The following DDAH1 variants were observed in gnomAD, a reference collection of about 807,000 sequenced individuals.
The protein encoded by DDAH1 is N(G),N(G)-dimethylarginine dimethylaminohydrolase 1.
A neutral mutation model predicts 28.8 loss-of-function variants in DDAH1; 19 were observed. The ratio of observed to expected loss-of-function variants is 0.66; its 90% CI spans 0.46 to 0.97. The LOEUF is 0.97. Ranked by LOEUF, DDAH1 falls within the 50% of genes least tolerant of loss-of-function variation. The pLI, the probability that DDAH1 is intolerant of heterozygous loss-of-function variation, is 0.00. For synonymous variants in DDAH1, 153 were observed against 154.4 expected, an observed-to-expected ratio of 0.99 and a Z score of 0.07; for missense variants, 326 against 375.9, an observed-to-expected ratio of 0.87 and a Z score of 1.10.
At chr1:85,522,667 C>T (rs568160577) in intron 1 of DDAH1, among the ~76,000 whole-genome samples, 146 of 151,424 alleles carry the variant, frequency 9.6e-4, no homozygotes, top group Admixed American at 2.2e-3. Flanking sequence ...CTTTTTTTTT[C>T]CTCATCAAAG....
intron 1 of DDAH1, among the ~76,000 whole-genome samples, chr1:85,429,792 T>A (rs1046417149): frequency 1.1e-4 from 17 of 152,210 alleles, no homozygotes; most frequent in Non-Finnish European, 2.1e-4. Flanking sequence ...TGTGTGTTGG[T>A]CACATAAATG....
chr1:85,578,138 G>A (rs372895948), exon 1 of DDAH1: 1 of 286,570 alleles, frequency 3.5e-6, no homozygotes, highest in Non-Finnish European at 5.2e-6. Flanking sequence ...TAATGTCGTC[G>A]ATTACTAGCA....
chr1:85,444,100 A>G (rs1416670116), intron 1 of DDAH1, among the ~76,000 whole-genome samples: 1 of 152,250 alleles, frequency 6.6e-6, no homozygotes, highest in Non-Finnish European at 1.5e-5. Flanking sequence ...GCCAGTTTTC[A>G]AAGGAAATGC....
intron 1 of DDAH1, among the ~76,000 whole-genome samples, chr1:85,562,786 C>T (rs1659175710): frequency 6.6e-6 from 1 of 152,118 alleles, no homozygotes; most frequent in Non-Finnish European, 1.5e-5. Context: ...TCTCAGCCTC[C>T]AGAACTGTGA....
intron 1 of DDAH1, among the ~76,000 whole-genome samples, chr1:85,408,985 AC>A (rs955635444): frequency 6.6e-6 from 1 of 151,954 alleles, no homozygotes; most frequent in Non-Finnish European, 1.5e-5. Context: ...TTCCAACTTC[AC>A]CCCTCCTTTC....
chr1:85,564,812 C>T (rs912187658), intron 1 of DDAH1, among the ~76,000 whole-genome samples: 7 of 150,690 alleles, frequency 4.6e-5, no homozygotes, highest in Admixed American at 2.0e-4. Context: ...TGCAGTGAGC[C>T]GAGATTGTGC....
intron 4 of DDAH1, among the ~76,000 whole-genome samples, chr1:85,346,871 C>G (rs1455258994): frequency 1.3e-5 from 2 of 152,054 alleles, no homozygotes; most frequent in Non-Finnish European, 2.9e-5. Flanking sequence ...ACTCATCTGA[C>G]AAAGGGTTAA....
intron 2 of DDAH1, among the ~76,000 whole-genome samples, chr1:85,483,362 T>C (rs547666778): frequency 6.6e-6 from 1 of 152,306 alleles, no homozygotes; most frequent in African/African-American, 2.4e-5. Flanking sequence ...TCTTAGGACC[T>C]ACCCTAAACT....
chr1:85,483,960 C>G (rs1016152156), intron 2 of DDAH1, among the ~76,000 whole-genome samples: 4 of 152,096 alleles, frequency 2.6e-5, no homozygotes, highest in Admixed American at 2.6e-4. Flanking sequence ...AGACATGGTG[C>G]CTAAGGGGCT....
intron 1 of DDAH1, among the ~76,000 whole-genome samples, chr1:85,497,746 T>TA (rs1192343781): frequency 1.3e-5 from 2 of 152,186 alleles, no homozygotes; most frequent in Non-Finnish European, 2.9e-5. Flanking sequence ...GTTCTCTACA[T>TA]AAAAAATAAG....
At chr1:85,377,686 T>C (rs1650746452) in intron 1 of DDAH1, among the ~76,000 whole-genome samples, 1 of 151,986 alleles carries the variant, frequency 6.6e-6, no homozygotes, top group Non-Finnish European at 1.5e-5. Flanking sequence ...AAGCAAAACA[T>C]CTTTCTCTTT....
intron 1 of DDAH1, among the ~76,000 whole-genome samples, chr1:85,397,738 T>C (rs935961750): frequency 2.0e-5 from 3 of 152,206 alleles, no homozygotes; most frequent in African/African-American, 7.2e-5. Context: ...TGAGAATTAA[T>C]AGAATGCCTC....
At chr1:85,329,036 A>G (rs887644491) in intron 4 of DDAH1, among the ~76,000 whole-genome samples, 1 of 152,240 alleles carries the variant, frequency 6.6e-6, no homozygotes. Context: ...TGGCAAGACT[A>G]CATCTCTTAG....
chr1:85,546,246 C>T (rs1257563917), intron 1 of DDAH1, among the ~76,000 whole-genome samples: 1 of 151,972 alleles, frequency 6.6e-6, no homozygotes, highest in Non-Finnish European at 1.5e-5. Context: ...TGGATTAATG[C>T]CGTTTTCTCA....
At chr1:85,572,513 C>T (rs1291343659) in intron 1 of DDAH1, among the ~76,000 whole-genome samples, 1 of 152,188 alleles carries the variant, frequency 6.6e-6, no homozygotes, top group African/African-American at 2.4e-5. Flanking sequence ...TCAATTTTCT[C>T]ATCTTTTTAA....
intron 1 of DDAH1, among the ~76,000 whole-genome samples, chr1:85,426,787 C>T (rs1044742634): frequency 2.6e-5 from 4 of 151,672 alleles, no homozygotes; most frequent in Non-Finnish European, 5.9e-5. Context: ...TGGTGTGCAC[C>T]TGTAGTCCTA....
intron 4 of DDAH1, among the ~76,000 whole-genome samples, chr1:85,326,673 C>A (rs1293335812): frequency 6.6e-6 from 1 of 152,208 alleles, no homozygotes; most frequent in African/African-American, 2.4e-5. Context: ...ACCATTAATT[C>A]TTTTCTTGTA....
In DDAH1 at chr1:85,385,415, A is replaced by G. The variant is rs562077215; in HGVS notation, c.304-26568T>C. ...TAGCTTACTGACTGTATTCTTTAAC[A>G]GTTTGCTTTTAAGAAAGCAACCTCA... On this transcript the variant is annotated intron_variant, in intron 1 of 5. Transcript: ENST00000284031. Among the ~76,000 whole-genome samples the G allele has an allele frequency of 2.0e-5, 3 of 152,374 alleles. No individual in the cohort carries two copies. In the East Asian group the frequency reaches 5.8e-4, roughly 29 times the overall value.
chr1:85,412,404 C>T (rs1652691748), intron 1 of DDAH1, among the ~76,000 whole-genome samples: 1 of 152,182 alleles, frequency 6.6e-6, no homozygotes, highest in South Asian at 2.1e-4. Flanking sequence ...CCACAATGAC[C>T]CCTTCACTCA....
Sources: allele counts gnomAD v4.1 joint callset (sites outside exome capture counted in the v4.1 genomes callset), GRCh38; gene constraint gnomAD v4.1.1; transcripts MANE v1.5; gene names NCBI Gene and HGNC (gene_info 2026-07-23, HGNC 2026-07-21).